The following COL6A3 variants were observed in gnomAD, a reference collection of about 807,000 sequenced individuals.
COL6A3 encodes collagen alpha-3(VI) chain.
In COL6A3, 137 loss-of-function variants were observed where a neutral mutation model predicts 274.1. The observed-to-expected ratio is 0.50, with a 90% confidence interval of 0.44 to 0.58. COL6A3 has a LOEUF of 0.58. Ranked by LOEUF, COL6A3 falls within the 20% of genes least tolerant of loss-of-function variation. The pLI, the probability that COL6A3 is intolerant of heterozygous loss-of-function variation, is 0.00. For synonymous variants in COL6A3, 1,650 were observed against 1,650.6 expected (o/e 1.00, Z 0.01); for missense variants, 3,950 against 4,124.9 (o/e 0.96, Z 1.16).
In COL6A3 at chr2:237,334,710, G is replaced by T. The variant is rs1305771847; in HGVS notation, c.9145C>A (p.Leu3049Ile). The change falls in exon 41 of 44, where the codon CTC (leucine) becomes ATC (isoleucine). Residue 3049 changes from leucine to isoleucine, a missense_variant. By Grantham distance (5) the Leu-to-Ile change is conservative (BLOSUM62 2). Around this residue, in one of 5 missense-constraint regions of COL6A3, gnomAD observed 1,284 missense variants for 1,349.7 expected, o/e 0.95. Transcript: ENST00000295550. Reference sequence around the variant, plus strand: ...GCCACATGGTATGTCTGCCCAGCGAGCAGGCCTCCAATGACGCGGTCCGTG... The same window carrying T: ...GCCACATGGTATGTCTGCCCAGCGATCAGGCCTCCAATGACGCGGTCCGTG... ...TVTDRVIGGL[L>I]AGQTYHVAVV... is the part of the protein sequence containing the mutation. 6.2e-7 allele frequency: 1 copy of T among 1,614,080 alleles called. No individual in the cohort carries two copies. The highest frequency in any genetic ancestry group is 2.2e-5 in the East Asian group (1 of 44,874).
At chr2:237,350,980 A>G (rs1574960353) in intron 27 of COL6A3, 150 bp downstream of exon 27, 1 of 744,532 alleles carries the variant, frequency 1.3e-6, no homozygotes. Context: ...CAATGATTCC[A>G]CTGGCCAAGC....
chr2:237,340,468 C>T lies in COL6A3; in HGVS notation c.8448G>A (p.Leu2816=). 1 of 1,613,142 alleles carries T rather than the reference C, an allele frequency of 6.2e-7. No homozygotes were observed. Among genetic ancestry groups the T allele is most frequent in the African/African-American group, 1.3e-5 (1 of 75,048 alleles). ...EEPLMRFGRL[L]PSFVSSENAF... ...AGGACTTACTGCTGACGAAGGATGG[C>T]AACAGCCTCCCGAAGCGCATCAAAG... The change falls in exon 38 of 44, where the codon TTG becomes TTA. Residue 2816 remains leucine, a synonymous_variant. Coordinates refer to ENST00000295550, the MANE Select transcript of COL6A3 (RefSeq NM_004369.4).
chr2:237,384,637 G>A (rs537177885), intron 4 of COL6A3, among the ~76,000 whole-genome samples: 1 of 152,212 alleles, frequency 6.6e-6, no homozygotes, highest in South Asian at 2.1e-4. Flanking sequence ...GCCTCCTTGG[G>A]AAGTTGGCTG....
intron 22 of COL6A3, 123 bp downstream of exon 22, chr2:237,357,694 C>T (rs2106339540): frequency 9.9e-7 from 1 of 1,015,178 alleles, no homozygotes; most frequent in Non-Finnish European, 1.6e-6. Flanking sequence ...TGCTGCTAAT[C>T]TTAGGCTACG....
intron 1 of COL6A3, among the ~76,000 whole-genome samples, chr2:237,405,363 C>T (rs1303288906): frequency 6.6e-6 from 1 of 151,880 alleles, no homozygotes; most frequent in Admixed American, 6.6e-5. Context: ...TATAAAAAAA[C>T]GAAATTCCCT....
rs1392875331 is a variant in COL6A3, at chr2:237,366,554, C to T, written c.5500+133G>A. ...GTGAGGTGGGTGTCAGGACCAGTCCCAGTGGGTATAAGTAAATGTATGAAG... is the reference window on the plus strand; with the variant it reads ...GTGAGGTGGGTGTCAGGACCAGTCCTAGTGGGTATAAGTAAATGTATGAAG... On this transcript the variant is annotated intron_variant, in intron 11 of 43. Transcript: ENST00000295550. The T allele has an allele frequency of 6.0e-6, 8 of 1,328,352 alleles. No homozygotes were observed. The African/African-American group carries it at 1.0e-4, about 17-fold the overall frequency. 82.3% of individuals were successfully genotyped at this position (1,328,352 alleles called of 1,614,324 possible). A position where few individuals can be genotyped will look rare whatever the true frequency, so the allele number is the denominator to read the frequency against.
Position 237,358,545 on chromosome 2 carries a change from T to G in COL6A3, c.6447A>C (p.Gly2149=), listed in dbSNP as rs1447837778. The G allele has an allele frequency of 6.2e-7, 1 of 1,614,068 alleles. No individual in the cohort carries two copies. The highest frequency in any genetic ancestry group is 1.7e-5 in the Admixed American group (1 of 60,024). The change falls in exon 21 of 44, where the codon GGA becomes GGC. Residue 2149 remains glycine (G), a synonymous_variant. Coordinates refer to ENST00000295550, the MANE Select transcript of COL6A3 (RefSeq NM_004369.4). ...CCGGGTCCCCTCGAATCCCAACATC[T>G]CCTCTTTCTCCTTTCTCTCCTCGAG... The part of the protein sequence containing the change: ...KGPRGEKGER[G]DVGIRGDPGN...
At chr2:237,360,328 T>G (rs2077407137) in intron 16 of COL6A3, among the ~76,000 whole-genome samples, 169 bp from the exon 17 acceptor site, 1 of 152,176 alleles carries the variant, frequency 6.6e-6, no homozygotes, top group Non-Finnish European at 1.5e-5. Context: ...CTTGGGCCCC[T>G]GCATGAGGCC....
chr2:237,329,000 G>C (rs182096033), intron 42 of COL6A3: 7 of 152,286 alleles, frequency 4.6e-5, no homozygotes, highest in African/African-American at 1.4e-4. Context: ...TCTACATTTT[G>C]AGCATTGGTC....
At position 237,379,007 on chromosome 2, in the gene COL6A3, A is replaced by G. The variant is rs773878870; in HGVS notation, c.2126T>C (p.Leu709Pro). 6.8e-6 allele frequency: 11 copies of G among 1,614,240 alleles called. No homozygotes were observed. Among genetic ancestry groups the G allele is most frequent in the Non-Finnish European group, 7.6e-6 (9 of 1,180,044 alleles). Reference sequence around the variant, plus strand: ...CAGGCCCGAACCTCCCTGGAGCTGCAGCTGCCTCAGATGACCAAGGATATC... The same window carrying G: ...CAGGCCCGAACCTCCCTGGAGCTGCGGCTGCCTCAGATGACCAAGGATATC... Reference protein sequence around the residue: ...KSDILGHLRQLQLQGGSGLNT... With the variant: ...KSDILGHLRQPQLQGGSGLNT... The change falls in exon 6 of 44, where the codon CTG becomes CCG. Residue 709 changes from leucine to proline, a missense_variant. By Grantham distance (98) the Leu-to-Pro change is moderately conservative. Transcript: ENST00000295550.
chr2:237,341,091 T>C lies in COL6A3; in HGVS notation c.7825A>G (p.Arg2609Gly), dbSNP rs2076978624. The C allele has an allele frequency of 6.2e-7, 1 of 1,614,110 alleles. No homozygotes were observed. Among genetic ancestry groups the C allele is most frequent in the Non-Finnish European group, 8.5e-7 (1 of 1,180,042 alleles). ...FGSWRPSFRD[R>G]RAAGSDVDID... ...TCCACATCGCTCCCTGCCGCTCTCC[T>C]GTCCCTGAAGGAAGGCCTCCAACTG... Residue 2609 changes from arginine (R) to glycine (G), a missense_variant, in exon 38 of 44, where the codon AGG (arginine) becomes GGG (glycine). Arg to Gly is a moderately radical substitution (Grantham distance 125). This residue lies in a region of COL6A3 where 1,284 missense variants were observed against 1,349.7 expected (regional missense o/e 0.95). Transcript: ENST00000295550.
chr2:237,377,405 C>CT (rs1385614797), intron 6 of COL6A3, 61 bp from the exon 7 acceptor site: 1 of 1,521,622 alleles, frequency 6.6e-7, no homozygotes, highest in African/African-American at 1.4e-5. Flanking sequence ...ACCAAAGCGA[C>CT]TTCAGCCCAG....
At chr2:237,337,776 T>C (rs1331314338) in intron 39 of COL6A3, among the ~76,000 whole-genome samples, 1 of 152,130 alleles carries the variant, frequency 6.6e-6, no homozygotes, top group Non-Finnish European at 1.5e-5. Context: ...CACTGCCCTC[T>C]TTGCTCCTAG....
chr2:237,343,886 T>C, intron 36 of COL6A3: 1 of 259,354 alleles, frequency 3.9e-6, no homozygotes, highest in South Asian at 4.9e-5. Flanking sequence ...AGGATCTTCC[T>C]ATCCATGAGG....
Position 237,347,791 on chromosome 2 carries a change from GC to G in COL6A3, c.7029+15del. On this transcript the variant is annotated intron_variant, in intron 31 of 43. Coordinates refer to ENST00000295550, the MANE Select transcript of COL6A3 (RefSeq NM_004369.4). ...TTCTCATTCCTCACCTGCAGCCAAG[GC>G]CCACGCAAACTTACCCTTCGGCCTC... 1.9e-6 allele frequency: 3 copies of G among 1,606,744 alleles called. No homozygotes were observed.
At chr2:237,335,100 A>G (rs373550975) in intron 40 of COL6A3, among the ~76,000 whole-genome samples, 8 of 152,340 alleles carry the variant, frequency 5.3e-5, no homozygotes, top group African/African-American at 1.4e-4. Flanking sequence ...CACAGTAATG[A>G]AAAATCTCAT....
intron 2 of COL6A3, among the ~76,000 whole-genome samples, chr2:237,395,785 T>A (rs577746128): frequency 6.6e-6 from 1 of 152,212 alleles, no homozygotes; most frequent in Non-Finnish European, 1.5e-5. Flanking sequence ...TTTTCCAGAT[T>A]TTTTGAGCAT....
Position 237,387,751 on chromosome 2 carries a change from G to A in COL6A3, c.1143C>T (p.Ala381=), listed in dbSNP as rs752227034. The part of the protein sequence containing the change: ...QASVFSFGLG[A]QAASRAELQH... ...GAAGCTCTGCCCTGGAGGCGGCCTG[G>A]GCTCCAAGGCCGAATGAGAACACGC... The change falls in exon 4 of 44, where the codon GCC becomes GCT. Residue 381 remains alanine (A), a synonymous_variant. Coordinates refer to ENST00000295550, the MANE Select transcript of COL6A3 (RefSeq NM_004369.4). 6.8e-6 allele frequency: 11 copies of A among 1,613,862 alleles called. No homozygotes were observed. Among genetic ancestry groups the A allele is most frequent in the African/African-American group, 1.3e-5 (1 of 74,888 alleles).
chr2:237,327,320 C>G (rs1699998165), intron 42 of COL6A3: 1 of 152,348 alleles, frequency 6.6e-6, no homozygotes, highest in Non-Finnish European at 1.5e-5. Context: ...AAGTGCACTT[C>G]AGTCCTGACC....
Sources: gnomAD v4.1 joint callset for allele counts (sites outside exome capture counted in the v4.1 genomes callset) on GRCh38, gnomAD v4.1.1 for gene constraint, gnomAD v4.1.1 regional missense constraint, MANE v1.5 for transcripts, NCBI Gene and HGNC (gene_info 2026-07-23, HGNC 2026-07-21) for gene names.